KCNQ1OT1: variants seen among roughly 807,000 people sequenced by gnomAD.
KCNQ1OT1 encodes the protein KCNQ1 antisense RNA 2 (non-protein coding).
rs1850303275 is a variant in KCNQ1OT1 at position 2,676,831 on chromosome 11, TGTTG to T, written n.23160_23163del. On this transcript the variant is annotated non_coding_transcript_exon_variant, in exon 1 of 1. Coordinates refer to ENST00000597346, the Ensembl canonical transcript of KCNQ1OT1. The surrounding 1 kb of genome is among the most constrained non-coding windows in gnomAD (Gnocchi z 4.2). The stretch of plus-strand genomic sequence containing the variant: ...GTGCTGGGATCTACCACAGGGGTCA[TGTTG>T]TAATGACACCTGTCAGCTTTGACTG... 1 of 398,502 alleles carries T rather than the reference TGTTG, an allele frequency of 2.5e-6. No individual in the cohort carries two copies. The highest frequency in any genetic ancestry group is 1.3e-4 in the South Asian group (1 of 7,864). 24.7% of individuals were successfully genotyped at this position (398,502 alleles called of 1,614,324 possible). A position where few individuals can be genotyped will look rare whatever the true frequency, so the allele number is the denominator to read the frequency against.
At chr11:2,649,233 G>C in exon 1 of KCNQ1OT1, 1 of 397,980 alleles carries the variant, frequency 2.5e-6, no homozygotes, top group Non-Finnish European at 4.4e-6. Flanking sequence ...CAATAGGTGA[G>C]GACTTACTCC....
exon 1 of KCNQ1OT1, chr11:2,622,458 T>C (rs1019585756): frequency 1.3e-5 from 5 of 398,314 alleles, no homozygotes; most frequent in Admixed American, 8.8e-5. Flanking sequence ...AGTGAGTTTG[T>C]TATATACAGC....
exon 1 of KCNQ1OT1, chr11:2,660,924 G>T (rs1849945059): frequency 7.5e-6 from 3 of 398,626 alleles, no homozygotes; most frequent in Non-Finnish European, 1.3e-5. Flanking sequence ...ATAAGAGCCT[G>T]AATGTCCATG....
rs1318257179 is a variant in KCNQ1OT1, at chr11:2,670,387, A to G, written n.29608T>C. 2 of 398,102 alleles carry G rather than the reference A, an allele frequency of 5.0e-6. No homozygotes were observed. Among genetic ancestry groups the G allele is most frequent in the Non-Finnish European group, 8.8e-6 (2 of 226,028 alleles). The allele number at this position is 398,102 out of a possible 1,614,324, so 24.7% of individuals were successfully genotyped here. On this transcript the variant is annotated non_coding_transcript_exon_variant, in exon 1 of 1. Coordinates refer to ENST00000597346, the Ensembl canonical transcript of KCNQ1OT1. The surrounding 1 kb of genome is among the most constrained non-coding windows in gnomAD (Gnocchi z 4.9). ...ATAGGCTGAAATTCCAAGAGCATTA[A>G]CCAGACACCTACTATGTGTATTTCT...
rs1850034519 is a variant in KCNQ1OT1, at chr11:2,664,786, G to A, written n.35209C>T. On this transcript the variant is annotated non_coding_transcript_exon_variant, in exon 1 of 1. Transcript: ENST00000597346. The surrounding 1 kb of genome is among the most constrained non-coding windows in gnomAD (Gnocchi z 5.1). ...CAGGGGGCAGAGTGGGTGGGAGGCAGTTACCAAAAAACATTTCCATTTTTC... is the reference window on the plus strand; with the variant it reads ...CAGGGGGCAGAGTGGGTGGGAGGCAATTACCAAAAAACATTTCCATTTTTC... The A allele has an allele frequency of 2.5e-6, 1 of 398,736 alleles. No individual in the cohort carries two copies. Among genetic ancestry groups the A allele is most frequent in the African/African-American group, 2.1e-5 (1 of 48,750 alleles). The allele number at this position is 398,736 out of a possible 1,614,324, so 24.7% of individuals were successfully genotyped here.
Position 2,677,966 on chromosome 11 carries a change from T to C in KCNQ1OT1, n.22029A>G, listed in dbSNP as rs1180202572. On this transcript the variant is annotated non_coding_transcript_exon_variant, in exon 1 of 1. Transcript: ENST00000597346. The surrounding 1 kb of genome is among the most constrained non-coding windows in gnomAD (Gnocchi z 4.5). ...GAAATGGTACACTGGAGCTTTAATTTACATTTCTTTTGTTGGAAATGAGGT... is the reference window on the plus strand; with the variant it reads ...GAAATGGTACACTGGAGCTTTAATTCACATTTCTTTTGTTGGAAATGAGGT... 5 of 398,434 alleles carry C rather than the reference T, an allele frequency of 1.3e-5. No individual in the cohort carries two copies. The highest frequency in any genetic ancestry group is 2.2e-5 in the Non-Finnish European group (5 of 226,044). The allele number at this position is 398,434 out of a possible 1,614,324, so 24.7% of individuals were successfully genotyped here.
Position 2,666,971 on chromosome 11 carries a change from G to A in KCNQ1OT1, n.33024C>T, listed in dbSNP as rs536499927. 3.8e-4 allele frequency: 151 copies of A among 398,722 alleles called. 1 individual carries two copies. The highest frequency in any genetic ancestry group is 3.3e-4 in the Non-Finnish European group (74 of 226,130). The allele number at this position is 398,722 out of a possible 1,614,324, so 24.7% of individuals were successfully genotyped here. On this transcript the variant is annotated non_coding_transcript_exon_variant, in exon 1 of 1. Coordinates refer to ENST00000597346, the Ensembl canonical transcript of KCNQ1OT1. ...GAGATGCCAAGGAAGCCCTCTGGGGGCCCGCCCGGGAGGGCTGTACAGGGC... is the reference window on the plus strand; with the variant it reads ...GAGATGCCAAGGAAGCCCTCTGGGGACCCGCCCGGGAGGGCTGTACAGGGC...
chr11:2,698,352 T>C lies in KCNQ1OT1; in HGVS notation n.1643A>G, dbSNP rs1245324319. On this transcript the variant is annotated non_coding_transcript_exon_variant, in exon 1 of 1. Transcript: ENST00000597346. This position sits in a 1 kb window ranked among gnomAD's most constrained non-coding sequence, Gnocchi z 5.1. ...GAAGGCACTCTTACTCTCAATTTTA[T>C]ATAAAAGGCTATTTGACCTGCTCAG... 2.5e-6 allele frequency: 1 copy of C among 398,514 alleles called. No individual in the cohort carries two copies. Among genetic ancestry groups the C allele is most frequent in the Non-Finnish European group, 4.4e-6 (1 of 226,072 alleles). 24.7% of individuals were successfully genotyped at this position (398,514 alleles called of 1,614,324 possible). A position where few individuals can be genotyped will look rare whatever the true frequency, so the allele number is the denominator to read the frequency against.
rs1849910443 is a variant in KCNQ1OT1 at position 2,659,382 on chromosome 11, C to G, written n.40613G>C. On this transcript the variant is annotated non_coding_transcript_exon_variant, in exon 1 of 1. Transcript: ENST00000597346. This position sits in a 1 kb window ranked among gnomAD's most constrained non-coding sequence, Gnocchi z 4.3. The stretch of plus-strand genomic sequence containing the variant: ...GTATTCTTTTGCATCTGGCTTCTTT[C>G]ACTGCTTAGCAAAATGCATTTGAGA... 2.5e-6 allele frequency: 1 copy of G among 398,482 alleles called. No homozygotes were observed. The highest frequency in any genetic ancestry group is 4.4e-6 in the Non-Finnish European group (1 of 226,048). 24.7% of individuals were successfully genotyped at this position (398,482 alleles called of 1,614,324 possible).
chr11:2,609,703 A>G (rs543440181), exon 1 of KCNQ1OT1: 2 of 398,170 alleles, frequency 5.0e-6, no homozygotes, highest in Admixed American at 4.4e-5. Flanking sequence ...TTAGTTCTCT[A>G]TTGTTAGGTG....
In KCNQ1OT1 at chr11:2,679,012, CAT is replaced by C. The variant is rs1850341979; in HGVS notation, n.20981_20982del. The C allele has an allele frequency of 2.5e-6, 1 of 398,482 alleles. No individual in the cohort carries two copies. Among genetic ancestry groups the C allele is most frequent in the Non-Finnish European group, 4.4e-6 (1 of 226,074 alleles). The allele number at this position is 398,482 out of a possible 1,614,324, so 24.7% of individuals were successfully genotyped here. A position where few individuals can be genotyped will look rare whatever the true frequency, so the allele number is the denominator to read the frequency against. On this transcript the variant is annotated non_coding_transcript_exon_variant, in exon 1 of 1. Coordinates refer to ENST00000597346, the Ensembl canonical transcript of KCNQ1OT1. This position sits in a 1 kb window ranked among gnomAD's most constrained non-coding sequence, Gnocchi z 4.8. ...ATTTTTAAAAACCCGCAATAAGAAACATAATCTAAAACTTGTAGCCCAGCCCC... is the reference window on the plus strand; with the variant it reads ...ATTTTTAAAAACCCGCAATAAGAAACAATCTAAAACTTGTAGCCCAGCCCC...
chr11:2,629,456 G>GT, exon 1 of KCNQ1OT1: 1 of 398,388 alleles, frequency 2.5e-6, no homozygotes, highest in Admixed American at 4.4e-5. Context: ...GAGTTTTATA[G>GT]TTTTAGGTCT....
exon 1 of KCNQ1OT1, chr11:2,622,864 T>C (rs979501810): frequency 1.2e-4 from 46 of 398,554 alleles, no homozygotes; most frequent in Non-Finnish European, 9.3e-5. Context: ...TTACAACTTA[T>C]GAATCTGCAT....
Position 2,623,364 on chromosome 11 carries a change from A to C in KCNQ1OT1, n.76631T>G. ...CCATTATAGTATCATACAGATACGTATATTTACATATATTTGTACATTTTC... is the reference window on the plus strand; with the variant it reads ...CCATTATAGTATCATACAGATACGTCTATTTACATATATTTGTACATTTTC... On this transcript the variant is annotated non_coding_transcript_exon_variant, in exon 1 of 1. Transcript: ENST00000597346. This position sits in a 1 kb window ranked among gnomAD's most constrained non-coding sequence, Gnocchi z 5.2. 1 of 398,602 alleles carries C rather than the reference A, an allele frequency of 2.5e-6. No homozygotes were observed. The highest frequency in any genetic ancestry group is 4.4e-6 in the Non-Finnish European group (1 of 226,066). 24.7% of individuals were successfully genotyped at this position (398,602 alleles called of 1,614,324 possible). A position where few individuals can be genotyped will look rare whatever the true frequency, so the allele number is the denominator to read the frequency against.
At position 2,654,522 on chromosome 11, in the gene KCNQ1OT1, T is replaced by C; in HGVS notation, n.45473A>G. On this transcript the variant is annotated non_coding_transcript_exon_variant, in exon 1 of 1. Coordinates refer to ENST00000597346, the Ensembl canonical transcript of KCNQ1OT1. This position sits in a 1 kb window ranked among gnomAD's most constrained non-coding sequence, Gnocchi z 6.4. Reference sequence around the variant, plus strand: ...AATCTCCGGAGCCCTGGAAAGCTTGTGGAAGAGGGCTTGGGTTACACCTGG... The same window carrying C: ...AATCTCCGGAGCCCTGGAAAGCTTGCGGAAGAGGGCTTGGGTTACACCTGG... 2.5e-6 allele frequency: 1 copy of C among 398,358 alleles called. No individual in the cohort carries two copies. The highest frequency in any genetic ancestry group is 4.4e-6 in the Non-Finnish European group (1 of 226,096). 24.7% of individuals were successfully genotyped at this position (398,358 alleles called of 1,614,324 possible).
rs546242344 is a variant in KCNQ1OT1 at position 2,677,831 on chromosome 11, C to T, written n.22164G>A. On this transcript the variant is annotated non_coding_transcript_exon_variant, in exon 1 of 1. Transcript: ENST00000597346. This position sits in a 1 kb window ranked among gnomAD's most constrained non-coding sequence, Gnocchi z 4.5. ...TCATTTATGTTGTGATAGATACTGC[C>T]AAATAAGGGCTGTACCATTTACATC... 3 of 398,476 alleles carry T rather than the reference C, an allele frequency of 7.5e-6. No individual in the cohort carries two copies. The highest frequency in any genetic ancestry group is 1.3e-5 in the Non-Finnish European group (3 of 226,032). 24.7% of individuals were successfully genotyped at this position (398,476 alleles called of 1,614,324 possible). A position where few individuals can be genotyped will look rare whatever the true frequency, so the allele number is the denominator to read the frequency against.
chr11:2,612,331 C>A lies in KCNQ1OT1; in HGVS notation n.87664G>T, dbSNP rs1256772537. The A allele has an allele frequency of 1.0e-5, 4 of 398,572 alleles. No individual in the cohort carries two copies. Among genetic ancestry groups the A allele is most frequent in the Non-Finnish European group, 1.8e-5 (4 of 226,098 alleles). The allele number at this position is 398,572 out of a possible 1,614,324, so 24.7% of individuals were successfully genotyped here. On this transcript the variant is annotated non_coding_transcript_exon_variant, in exon 1 of 1. Coordinates refer to ENST00000597346, the Ensembl canonical transcript of KCNQ1OT1. The surrounding 1 kb of genome is among the most constrained non-coding windows in gnomAD (Gnocchi z 5.5). ...AGAATCTAACTAAAGCCTCCCCCAACTGGCTGTGGAAAAATTGTCTTCCAC... is the reference window on the plus strand; with the variant it reads ...AGAATCTAACTAAAGCCTCCCCCAAATGGCTGTGGAAAAATTGTCTTCCAC...
chr11:2,624,834 C>T lies in KCNQ1OT1; in HGVS notation n.75161G>A, dbSNP rs1849238191. On this transcript the variant is annotated non_coding_transcript_exon_variant, in exon 1 of 1. Transcript: ENST00000597346. This position sits in a 1 kb window ranked among gnomAD's most constrained non-coding sequence, Gnocchi z 4.9. ...CATACCTCATATAAGTGGAAACATA[C>T]AGTACTTCTCTTCTTGTGACTGCTG... is the stretch of plus-strand genomic sequence containing the variant. 1 of 398,550 alleles carries T rather than the reference C, an allele frequency of 2.5e-6. No homozygotes were observed. Among genetic ancestry groups the T allele is most frequent in the Non-Finnish European group, 4.4e-6 (1 of 226,042 alleles). 24.7% of individuals were successfully genotyped at this position (398,550 alleles called of 1,614,324 possible).
rs1032259779 is a variant in KCNQ1OT1 at position 2,670,309 on chromosome 11, T to G, written n.29686A>C. On this transcript the variant is annotated non_coding_transcript_exon_variant, in exon 1 of 1. Transcript: ENST00000597346. This position sits in a 1 kb window ranked among gnomAD's most constrained non-coding sequence, Gnocchi z 4.9. ...AACCCATAGGTGCCCAATGGAGAGATAATCTCAAATATGGTAGCAGAGTTC... is the reference window on the plus strand; with the variant it reads ...AACCCATAGGTGCCCAATGGAGAGAGAATCTCAAATATGGTAGCAGAGTTC... 9.3e-5 allele frequency: 37 copies of G among 398,454 alleles called. No individual in the cohort carries two copies. The highest frequency in any genetic ancestry group is 6.2e-4 in the Middle Eastern group (1 of 1,610). 24.7% of individuals were successfully genotyped at this position (398,454 alleles called of 1,614,324 possible).
Sources: gnomAD v4.1 joint callset for allele counts on GRCh38, gnomAD v4.1.1 for gene constraint, Gnocchi (gnomAD v3.1) non-coding constraint, MANE v1.5 for transcripts, NCBI Gene and HGNC (gene_info 2026-07-23, HGNC 2026-07-21) for gene names.